The following MON1B variants were observed in gnomAD, a reference collection of about 807,000 sequenced individuals.
The protein encoded by MON1B is vacuolar fusion protein MON1 homolog B.
A neutral mutation model predicts 45.1 loss-of-function variants in MON1B; 26 were observed. That is an observed-to-expected ratio of 0.58 (90% CI 0.42 to 0.80). MON1B has a LOEUF of 0.80. MON1B is among the 30% of genes least tolerant of loss of function. The pLI is 0.00. For synonymous variants in MON1B, 395 were observed against 320.2 expected (o/e 1.23, Z -2.49); for missense variants, 737 against 754.5 (o/e 0.98, Z 0.27).
chr16:77,197,015 C>T (rs2142502056), intron 5 of MON1B, among the ~76,000 whole-genome samples: 1 of 152,270 alleles, frequency 6.6e-6, no homozygotes, highest in Admixed American at 6.5e-5. Flanking sequence ...TTCTCTATTC[C>T]AGTCCTCAAC....
chr16:77,197,696 A>C (rs4887894), intron 5 of MON1B, among the ~76,000 whole-genome samples: 78,485 of 152,024 alleles, frequency 0.52, 22,459 homozygotes, highest in Non-Finnish European at 0.64. Flanking sequence ...TTGTGGGGTC[A>C]GGCCTCTCCA....
At position 77,198,500 on chromosome 16, in the gene MON1B, C is replaced by G. The variant is rs1399840148; in HGVS notation, c.*192C>G. 8.0e-6 allele frequency: 5 copies of G among 626,204 alleles called. No homozygotes were observed. Among genetic ancestry groups the G allele is most frequent in the Non-Finnish European group, 1.4e-5 (5 of 359,030 alleles). The allele number at this position is 626,204 out of a possible 1,614,324, so 38.8% of individuals were successfully genotyped here. A position where few individuals can be genotyped will look rare whatever the true frequency, so the allele number is the denominator to read the frequency against. Reference sequence around the variant, plus strand: ...CCAGGCGAGCAGGCTGCTTTCCCTGCCCAGTCATGCACCTCCCCCTCTGGG... The same window carrying G: ...CCAGGCGAGCAGGCTGCTTTCCCTGGCCAGTCATGCACCTCCCCCTCTGGG... On this transcript the variant is annotated 3_prime_UTR_variant, in exon 6 of 6. Transcript: ENST00000248248.
At position 77,191,630 on chromosome 16, in the gene MON1B, A is replaced by G. The variant is rs887517357; in HGVS notation, c.145A>G (p.Thr49Ala). The G allele has an allele frequency of 1.2e-6, 2 of 1,610,692 alleles. No individual in the cohort carries two copies. The highest frequency in any genetic ancestry group is 3.4e-5 in the Admixed American group (2 of 58,690). The part of the protein sequence containing the change: ...PDPEDEGLEE[T>A]GSKDKDQPPS... Reference sequence around the variant, plus strand: ...TCCCGAAGACGAGGGCCTGGAGGAAACAGGTATGACTCCACTTAGTGGGGT... The same window carrying G: ...TCCCGAAGACGAGGGCCTGGAGGAAGCAGGTATGACTCCACTTAGTGGGGT... Residue 49 changes from threonine (T) to alanine (A), a missense_variant, in exon 2 of 6, where the codon ACA (threonine) becomes GCA (alanine). Coordinates refer to ENST00000248248, the MANE Select transcript of MON1B (RefSeq NM_014940.4).
rs1309438390 is a variant in MON1B, at chr16:77,194,852, C to T, written c.993C>T (p.Asn331=). ...AWAPVCLPRF[N]PDGFFYAYVA... ...CACCTGTGTGCCTGCCCCGCTTCAACCCTGATGGTTTTTTCTACGCCTACG... is the reference window on the plus strand; with the variant it reads ...CACCTGTGTGCCTGCCCCGCTTCAATCCTGATGGTTTTTTCTACGCCTACG... The change falls in exon 4 of 6, where the codon AAC becomes AAT. Residue 331 remains asparagine (N), a synonymous_variant. Coordinates refer to ENST00000248248, the MANE Select transcript of MON1B (RefSeq NM_014940.4). The surrounding 1 kb of genome is among the most constrained non-coding windows in gnomAD (Gnocchi z 8.1). 1.9e-6 allele frequency: 3 copies of T among 1,611,262 alleles called. No homozygotes were observed. The highest frequency in any genetic ancestry group is 2.5e-6 in the Non-Finnish European group (3 of 1,180,018).
Position 77,199,621 on chromosome 16 carries a change from A to T in MON1B, c.*1313A>T. The stretch of plus-strand genomic sequence containing the variant: ...TAATGATATTCTAATTTTTTTAAAT[A>T]AAATGTTAAGCCTTTTGTTATTGAA... On this transcript the variant is annotated 3_prime_UTR_variant, in exon 6 of 6. Coordinates refer to ENST00000248248, the MANE Select transcript of MON1B (RefSeq NM_014940.4). The T allele has an allele frequency of 1.0e-6, 1 of 969,738 alleles. No individual in the cohort carries two copies. The highest frequency in any genetic ancestry group is 1.5e-6 in the Non-Finnish European group (1 of 655,482). 60.1% of individuals were successfully genotyped at this position (969,738 alleles called of 1,614,324 possible).
chr16:77,196,020 C>T (rs927912523), intron 5 of MON1B, among the ~76,000 whole-genome samples: 2 of 152,198 alleles, frequency 1.3e-5, no homozygotes, highest in Non-Finnish European at 2.9e-5. Flanking sequence ...GGAGGCACCC[C>T]ATTCATCACC....
Position 77,198,241 on chromosome 16 carries a change from A to G in MON1B, c.1577A>G (p.Lys526Arg). ...CGGCTCTTCATTCGTTACCCACCCA[A>G]GTACTCCACACCACCAGCCACCTCT... ...EDRLFIRYPP[K>R]YSTPPATSTD... The change falls in exon 6 of 6, where the codon AAG becomes AGG. Residue 526 changes from lysine to arginine, a missense_variant. By Grantham distance (26) the Lys-to-Arg change is conservative (BLOSUM62 2). Coordinates refer to ENST00000248248, the MANE Select transcript of MON1B (RefSeq NM_014940.4). 1.2e-6 allele frequency: 2 copies of G among 1,614,146 alleles called. No homozygotes were observed. The highest frequency in any genetic ancestry group is 1.7e-6 in the Non-Finnish European group (2 of 1,180,020).
chr16:77,191,679 G>C lies in MON1B; in HGVS notation c.148+46G>C, dbSNP rs200334789. 35 of 1,571,968 alleles carry C rather than the reference G, an allele frequency of 2.2e-5. No homozygotes were observed. In the African/African-American group the frequency reaches 4.0e-4, roughly 18 times the overall value. On this transcript the variant is annotated intron_variant, in intron 2 of 5. Transcript: ENST00000248248. ...GTCTTAAAAGGAATCCTTAGGGGTTGTCATTGTTGGACGGGGGAAGGGTCA... is the reference window on the plus strand; with the variant it reads ...GTCTTAAAAGGAATCCTTAGGGGTTCTCATTGTTGGACGGGGGAAGGGTCA...
rs2054656822 is a variant in MON1B, at chr16:77,195,556, C to T, written c.1317C>T (p.Tyr439=). The change falls in exon 5 of 6, where the codon TAC becomes TAT. Residue 439 remains tyrosine, a synonymous_variant. Transcript: ENST00000248248. ...QFTSPELEAP[Y]SREEERQRLS... Reference sequence around the variant, plus strand: ...GCAGCCCTGAGCTAGAGGCCCCCTACAGCAGAGAGGAGGAGCGGCAGCGGC... The same window carrying T: ...GCAGCCCTGAGCTAGAGGCCCCCTATAGCAGAGAGGAGGAGCGGCAGCGGC... The T allele has an allele frequency of 1.2e-6, 2 of 1,613,826 alleles. No homozygotes were observed. The highest frequency in any genetic ancestry group is 8.5e-7 in the Non-Finnish European group (1 of 1,179,916).
Position 77,198,181 on chromosome 16 carries a change from C to G in MON1B, c.1517C>G (p.Thr506Ser), listed in dbSNP as rs1172747258. The change falls in exon 6 of 6, where the codon ACC becomes AGC. Residue 506 changes from threonine (T) to serine (S), a missense_variant. Thr to Ser is a moderately conservative substitution (Grantham distance 58). Transcript: ENST00000248248. ...AAGGCAGGTGCAATCTTGGTAGTGA[C>G]CAAACTCCTGCGCTGGGTGAAGAAA... ...VTKAGAILVVTKLLRWVKKEE... is the reference protein window; with the variant it reads ...VTKAGAILVVSKLLRWVKKEE... The G allele has an allele frequency of 1.9e-6, 3 of 1,614,140 alleles. No individual in the cohort carries two copies. The highest frequency in any genetic ancestry group is 1.7e-5 in the Admixed American group (1 of 60,008).
intron 4 of MON1B, 69 bp from the exon 5 acceptor site, chr16:77,195,466 A>G (rs2054655804): frequency 1.3e-6 from 2 of 1,504,462 alleles, no homozygotes; most frequent in African/African-American, 2.8e-5. Flanking sequence ...CTCTAGACTG[A>G]GGGAGGAAAT....
In MON1B at chr16:77,193,902, G is replaced by A; in HGVS notation, c.475+125G>A. The A allele has an allele frequency of 1.0e-6, 1 of 988,858 alleles. No individual in the cohort carries two copies. Among genetic ancestry groups the A allele is most frequent in the Non-Finnish European group, 1.5e-6 (1 of 686,040 alleles). The allele number at this position is 988,858 out of a possible 1,614,324, so 61.3% of individuals were successfully genotyped here. On this transcript the variant is annotated intron_variant, in intron 3 of 5. Coordinates refer to ENST00000248248, the MANE Select transcript of MON1B (RefSeq NM_014940.4). The surrounding 1 kb of genome is among the most constrained non-coding windows in gnomAD (Gnocchi z 5.0). ...TTGGGTCCATGTGTGTGGATGGTCA[G>A]CCAGAGCTCTGTCAGTGGCGGGAGG...
At position 77,198,104 on chromosome 16, in the gene MON1B, C is replaced by A. The variant is rs533786757; in HGVS notation, c.1444-4C>A. The stretch of plus-strand genomic sequence containing the variant: ...TCTGACTCTGTCTCCTCCGAAACCC[C>A]CAGGTGACCTCCAAATTCGAGCTCT... On this transcript the variant is annotated splice_region_variant and splice_polypyrimidine_tract_variant and intron_variant, in intron 5 of 5. Transcript: ENST00000248248. The A allele has an allele frequency of 1.2e-6, 2 of 1,613,968 alleles. No individual in the cohort carries two copies. Among genetic ancestry groups the A allele is most frequent in the African/African-American group, 2.7e-5 (2 of 75,022 alleles).
chr16:77,192,440 T>C (rs1246112160), intron 2 of MON1B, among the ~76,000 whole-genome samples: 1 of 152,140 alleles, frequency 6.6e-6, no homozygotes, highest in Non-Finnish European at 1.5e-5. Flanking sequence ...ATGGTTGTCA[T>C]TGGGGGATGA....
chr16:77,200,291 T>TATATATATATATATATATATACACACAC lies in MON1B; in HGVS notation c.*1984_*1985insTATATATATATATATATATACACACACA. Reference sequence around the variant, plus strand: ...ATATATGTGTATATATATATATATATACACACACTAATCAGCCGGGCGCGG... The same window carrying TATATATATATATATATATATACACACAC: ...ATATATGTGTATATATATATATATATATATATATATATATATATATACACACACACACACACTAATCAGCCGGGCGCGG... On this transcript the variant is annotated 3_prime_UTR_variant, in exon 6 of 6. Transcript: ENST00000248248. 8 of 111,420 alleles carry TATATATATATATATATATATACACACAC rather than the reference T, an allele frequency of 7.2e-5. No homozygotes were observed. Among genetic ancestry groups the TATATATATATATATATATATACACACAC allele is most frequent in the African/African-American group, 2.4e-4 (7 of 29,762 alleles). 6.9% of individuals were successfully genotyped at this position (111,420 alleles called of 1,614,324 possible). A position where few individuals can be genotyped will look rare whatever the true frequency, so the allele number is the denominator to read the frequency against.
In MON1B at chr16:77,199,506, G is replaced by T. The variant is rs1282572535; in HGVS notation, c.*1198G>T. On this transcript the variant is annotated 3_prime_UTR_variant, in exon 6 of 6. Transcript: ENST00000248248. ...GGAGGCGCCAGAAGCTACTGAGGAG[G>T]CTGAAGGTAGTGAGGGCAAGTGGGC... 2 of 1,551,368 alleles carry T rather than the reference G, an allele frequency of 1.3e-6. No homozygotes were observed. The highest frequency in any genetic ancestry group is 1.7e-6 in the Non-Finnish European group (2 of 1,146,942).
At position 77,194,300 on chromosome 16, in the gene MON1B, G is replaced by A; in HGVS notation, c.476-35G>A. 6.4e-7 allele frequency: 1 copy of A among 1,566,198 alleles called. No individual in the cohort carries two copies. Among genetic ancestry groups the A allele is most frequent in the Non-Finnish European group, 8.7e-7 (1 of 1,149,798 alleles). ...TCTCCCTCTGGTCATTCCTGATCCAGCTGTACCCCCCCTTCTTACCCCTTC... is the reference window on the plus strand; with the variant it reads ...TCTCCCTCTGGTCATTCCTGATCCAACTGTACCCCCCCTTCTTACCCCTTC... On this transcript the variant is annotated intron_variant, in intron 3 of 5. Transcript: ENST00000248248. The surrounding 1 kb of genome is among the most constrained non-coding windows in gnomAD (Gnocchi z 8.1).
At position 77,193,929 on chromosome 16, in the gene MON1B, G is replaced by A. The variant is rs533629506; in HGVS notation, c.475+152G>A. The stretch of plus-strand genomic sequence containing the variant: ...CAGAGCTCTGTCAGTGGCGGGAGGT[G>A]GGGGGGTTCATCTCTGTCTGGCCTG... On this transcript the variant is annotated intron_variant, in intron 3 of 5. Coordinates refer to ENST00000248248, the MANE Select transcript of MON1B (RefSeq NM_014940.4). This position sits in a 1 kb window ranked among gnomAD's most constrained non-coding sequence, Gnocchi z 5.0. The A allele has an allele frequency of 3.8e-6, 3 of 779,260 alleles. No individual in the cohort carries two copies. The highest frequency in any genetic ancestry group is 1.8e-5 in the South Asian group (1 of 54,228). The allele number at this position is 779,260 out of a possible 1,614,324, so 48.3% of individuals were successfully genotyped here.
chr16:77,199,384 C>A lies in MON1B; in HGVS notation c.*1076C>A. The A allele has an allele frequency of 6.7e-7, 1 of 1,490,674 alleles. No individual in the cohort carries two copies. The highest frequency in any genetic ancestry group is 9.1e-7 in the Non-Finnish European group (1 of 1,095,040). The allele number at this position is 1,490,674 out of a possible 1,614,324, so 92.3% of individuals were successfully genotyped here. A position where few individuals can be genotyped will look rare whatever the true frequency, so the allele number is the denominator to read the frequency against. ...CACGCATGCGTGCTGAAAAGCCTTTCACCCTCACGTGGTTTCTTTTTTAAC... is the reference window on the plus strand; with the variant it reads ...CACGCATGCGTGCTGAAAAGCCTTTAACCCTCACGTGGTTTCTTTTTTAAC... On this transcript the variant is annotated 3_prime_UTR_variant, in exon 6 of 6. Coordinates refer to ENST00000248248, the MANE Select transcript of MON1B (RefSeq NM_014940.4).
Sources: allele counts gnomAD v4.1 joint callset (sites outside exome capture counted in the v4.1 genomes callset), GRCh38; gene constraint gnomAD v4.1.1; non-coding constraint Gnocchi (gnomAD v3.1); transcripts MANE v1.5; gene names NCBI Gene and HGNC (gene_info 2026-07-23, HGNC 2026-07-21).